Variants in SGCZ observed in about 807,000 individuals in gnomAD.
SGCZ encodes zeta-sarcoglycan.
SGCZ carries 40 observed loss-of-function variants against 41.3 expected under a neutral mutation model. The ratio of observed to expected loss-of-function variants is 0.97; its 90% CI spans 0.75 to 1.26. The LOEUF (loss-of-function observed/expected upper bound fraction) is 1.26. Among genes scored for constraint, SGCZ ranks in the 50% most tolerant of loss-of-function variants. The probability of loss-of-function intolerance (pLI) is 0.00; values close to 1 mark genes in which losing one functional copy is unlikely to be tolerated. For missense variants in SGCZ, 552 were observed against 369.8 expected, an observed-to-expected ratio of 1.49 and a Z score of -4.04; for synonymous variants, 206 against 137.5, an observed-to-expected ratio of 1.50 and a Z score of -3.49.
At chr8:15,066,761 G>A (rs765692018) in intron 1 of SGCZ, among the ~76,000 whole-genome samples, 19 of 151,930 alleles carry the variant, frequency 1.3e-4, no homozygotes, top group Non-Finnish European at 2.5e-4. Flanking sequence ...CATAACTCTC[G>A]AATTCTGCCA....
At chr8:15,217,109 C>A (rs970310782) in intron 1 of SGCZ, among the ~76,000 whole-genome samples, 1 of 152,018 alleles carries the variant, frequency 6.6e-6, no homozygotes, top group Non-Finnish European at 1.5e-5. Context: ...AATATTAACC[C>A]CACAGAGTAG....
rs879251850 is a variant in SGCZ at position 14,090,488 on chromosome 8, T to C, written c.894A>G (p.Val298=). The change falls in exon 8 of 8, where the codon GTA becomes GTG. Residue 298 remains valine, a synonymous_variant. Transcript: ENST00000382080. ...NGKLYLSPAG[V]GSTCQSSSNI... ...TGCTACTGGACTGACAAGTGGAACC[T>C]ACTCCTGCTGGAGAAAGGTAAAGTT... The C allele has an allele frequency of 5.6e-6, 9 of 1,612,942 alleles. No homozygotes were observed. In the African/African-American group the frequency reaches 1.1e-4, roughly 19 times the overall value.
intron 2 of SGCZ, among the ~76,000 whole-genome samples, chr8:14,326,380 T>C (rs1314486971): frequency 6.6e-6 from 1 of 151,778 alleles, no homozygotes; most frequent in East Asian, 1.9e-4. Flanking sequence ...CAACAGAAAA[T>C]ACGTTATAGA....
chr8:14,836,375 T>G (rs1453194961), intron 1 of SGCZ, among the ~76,000 whole-genome samples: 2 of 152,178 alleles, frequency 1.3e-5, no homozygotes, highest in Non-Finnish European at 2.9e-5. Context: ...CATTATTAAA[T>G]CCTCAATACT....
intron 2 of SGCZ, among the ~76,000 whole-genome samples, chr8:14,541,502 C>A (rs1476247029): frequency 6.6e-6 from 1 of 152,102 alleles, no homozygotes; most frequent in East Asian, 1.9e-4. Flanking sequence ...CATAGTATTC[C>A]ATGGTGAATA....
At position 14,564,376 on chromosome 8, in the gene SGCZ, C is replaced by T. The variant is rs554392485; in HGVS notation, c.40-9450G>A. Reference sequence around the variant, plus strand: ...CTGTTGTTTATTCAGGCAAGGAATGCGACACAATAGTTTAAAATGCAGTCC... The same window carrying T: ...CTGTTGTTTATTCAGGCAAGGAATGTGACACAATAGTTTAAAATGCAGTCC... On this transcript the variant is annotated intron_variant, in intron 1 of 7. Transcript: ENST00000382080. Among the ~76,000 whole-genome samples the T allele has an allele frequency of 3.9e-5, 6 of 152,052 alleles. No individual in the cohort carries two copies. The South Asian group carries it at 6.2e-4, about 16-fold the overall frequency.
In SGCZ at chr8:14,347,241, G is replaced by A. The variant is rs138446581; in HGVS notation, c.235-23037C>T. On this transcript the variant is annotated intron_variant, in intron 2 of 7. Coordinates refer to ENST00000382080, the MANE Select transcript of SGCZ (RefSeq NM_139167.4). ...GAAAGACTTCATATTGAGCTAATAC[G>A]AGTGTGGCCTCTGGCAGAATTCCTA... is the stretch of plus-strand genomic sequence containing the variant. Among the ~76,000 whole-genome samples, 1,003 of 152,180 alleles carry A rather than the reference G, an allele frequency of 6.6e-3. 12 individuals are homozygous for A. Among genetic ancestry groups the A allele is most frequent in the African/African-American group, 0.021 (892 of 41,540 alleles).
chr8:14,270,135 C>A (rs899105433), intron 3 of SGCZ, among the ~76,000 whole-genome samples: 51 of 151,142 alleles, frequency 3.4e-4, no homozygotes, highest in African/African-American at 1.0e-3. Flanking sequence ...AGTTCAAGAC[C>A]AGCCTGGCCA....
chr8:14,547,454 T>A (rs10091066), intron 2 of SGCZ, among the ~76,000 whole-genome samples: 132 of 152,268 alleles, frequency 8.7e-4, no homozygotes, highest in African/African-American at 3.0e-3. Context: ...TAAATTAGAA[T>A]TTCATAAAGA....
chr8:15,189,034 C>G (rs982793948), intron 1 of SGCZ, among the ~76,000 whole-genome samples: 3 of 152,066 alleles, frequency 2.0e-5, no homozygotes, highest in Admixed American at 6.6e-5. Flanking sequence ...AACCATAAAA[C>G]TATTAAAAGC....
intron 3 of SGCZ, among the ~76,000 whole-genome samples, chr8:14,238,650 A>G (rs1288126914): frequency 6.6e-6 from 1 of 152,114 alleles, no homozygotes; most frequent in Non-Finnish European, 1.5e-5. Flanking sequence ...TCTCATTTTA[A>G]CGCTCTAAAA....
intron 2 of SGCZ, among the ~76,000 whole-genome samples, chr8:14,343,716 A>G (rs899766318): frequency 3.3e-5 from 5 of 152,208 alleles, no homozygotes; most frequent in African/African-American, 1.2e-4. Flanking sequence ...GACTCACAAT[A>G]TCTGAATCAC....
chr8:14,633,980 G>A (rs997622573), intron 1 of SGCZ, among the ~76,000 whole-genome samples: 3 of 151,862 alleles, frequency 2.0e-5, no homozygotes, highest in African/African-American at 7.2e-5. Context: ...ACTTGGTTGA[G>A]ATCCAAGACT....
intron 2 of SGCZ, among the ~76,000 whole-genome samples, chr8:14,408,980 C>CAT (rs55991935): frequency 1.3e-5 from 2 of 148,410 alleles, no homozygotes; most frequent in South Asian, 2.1e-4. Flanking sequence ...TGCATGTGTG[C>CAT]GTGTGTGTGT....
At chr8:14,922,632 G>C (rs1205132785) in intron 1 of SGCZ, among the ~76,000 whole-genome samples, 2 of 151,970 alleles carry the variant, frequency 1.3e-5, no homozygotes, top group African/African-American at 2.4e-5. Context: ...ACTTCACCTT[G>C]AGAATCATGA....
At chr8:14,091,153 A>C (rs1801677842) in intron 7 of SGCZ, among the ~76,000 whole-genome samples, 1 of 151,724 alleles carries the variant, frequency 6.6e-6, no homozygotes, top group Non-Finnish European at 1.5e-5. Flanking sequence ...ATGTCCCTGC[A>C]AAGGACATGA....
At chr8:14,753,975 T>G (rs1374983407) in intron 1 of SGCZ, among the ~76,000 whole-genome samples, 2 of 152,130 alleles carry the variant, frequency 1.3e-5, no homozygotes, top group African/African-American at 2.4e-5. Flanking sequence ...ATGAAATAAA[T>G]AAAGTGGACT....
intron 5 of SGCZ, among the ~76,000 whole-genome samples, chr8:14,129,309 G>A (rs934973690): frequency 1.6e-5 from 2 of 122,696 alleles, no homozygotes; most frequent in Non-Finnish European, 1.6e-5. Context: ...TCGTGCCATT[G>A]CACTCCAGCC....
intron 3 of SGCZ, among the ~76,000 whole-genome samples, chr8:14,276,908 C>G (rs928210702): frequency 2.0e-5 from 3 of 152,020 alleles, no homozygotes; most frequent in African/African-American, 7.2e-5. Flanking sequence ...GGGTGTACAC[C>G]AAGTAACCAA....
Sources: gnomAD v4.1 joint callset for allele counts (sites outside exome capture counted in the v4.1 genomes callset) on GRCh38, gnomAD v4.1.1 for gene constraint, MANE v1.5 for transcripts, NCBI Gene and HGNC (gene_info 2026-07-23, HGNC 2026-07-21) for gene names.